Variants in EPB41L2 observed in about 807,000 individuals in gnomAD.
The protein encoded by EPB41L2 is band 4.1-like protein 2.
Under a neutral mutation model 113.0 loss-of-function variants are expected in EPB41L2, and 43 were observed. That is an observed-to-expected ratio of 0.38 (90% CI 0.30 to 0.49). The LOEUF (loss-of-function observed/expected upper bound fraction) is 0.49, where lower values mean the gene tolerates loss of function less well. Among genes scored for constraint, EPB41L2 ranks in the 20% least tolerant of loss-of-function variants. The pLI is 0.95. For missense variants in EPB41L2, 1,147 were observed against 1,223.4 expected, an observed-to-expected ratio of 0.94 and a Z score of 0.93; for synonymous variants, 442 against 436.7, an observed-to-expected ratio of 1.01 and a Z score of -0.15.
rs187274564 is a variant in EPB41L2, at chr6:131,058,322, T to C, written c.-15+4833A>G. 5.3e-5 allele frequency among the ~76,000 whole-genome samples: 8 copies of C among 152,302 alleles called. No homozygotes were observed. In the East Asian group the frequency reaches 1.5e-3, roughly 29 times the overall value. ...AAAATTCAGAAAGCCTCTGAAATTC[T>C]AATTAAAATTAATACTATCCCAACA... On this transcript the variant is annotated intron_variant, in intron 1 of 19. Transcript: ENST00000337057.
chr6:130,851,301 T>C (rs1778716829), intron 19 of EPB41L2, among the ~76,000 whole-genome samples: 1 of 152,230 alleles, frequency 6.6e-6, no homozygotes, highest in African/African-American at 2.4e-5. Flanking sequence ...CTAATGTTAA[T>C]TTCCTGTTTG....
At chr6:130,929,760 C>A (rs1025655441) in intron 3 of EPB41L2, among the ~76,000 whole-genome samples, 2 of 151,840 alleles carry the variant, frequency 1.3e-5, no homozygotes, top group African/African-American at 2.4e-5. Context: ...TAGCCTGATA[C>A]AAGAGCTCTG....
Position 130,870,000 on chromosome 6 carries a change from G to A in EPB41L2, c.2170C>T (p.Arg724Cys), listed in dbSNP as rs554992186. Reference protein sequence around the residue: ...ISPGSGPGEIRKVEPVTQKDS... With the variant: ...ISPGSGPGEICKVEPVTQKDS... Reference sequence around the variant, plus strand: ...TTTTGTGTCACAGGCTCCACCTTACGAATCTCCCCAGGACCACTCCCAGGT... The same window carrying A: ...TTTTGTGTCACAGGCTCCACCTTACAAATCTCCCCAGGACCACTCCCAGGT... Residue 724 changes from arginine (R) to cysteine (C), a missense_variant, in exon 15 of 20, where the codon CGT becomes TGT. Transcript: ENST00000337057. 3.0e-5 allele frequency: 48 copies of A among 1,613,576 alleles called. No homozygotes were observed. The highest frequency in any genetic ancestry group is 1.6e-4 in the East Asian group (7 of 44,866).
chr6:131,003,859 C>T (rs1051208613), intron 1 of EPB41L2, among the ~76,000 whole-genome samples: 6 of 152,160 alleles, frequency 3.9e-5, no homozygotes, highest in Non-Finnish European at 7.3e-5. Context: ...GAGGTGATGT[C>T]ATTACCAGCC....
intron 1 of EPB41L2, among the ~76,000 whole-genome samples, chr6:131,012,923 T>C (rs1787360952): frequency 6.6e-6 from 1 of 152,228 alleles, no homozygotes; most frequent in Admixed American, 6.5e-5. Flanking sequence ...GATTTGATTC[T>C]ACAAAATGAA....
At chr6:130,842,591 A>C (rs964260776) in intron 19 of EPB41L2, among the ~76,000 whole-genome samples, 1 of 152,140 alleles carries the variant, frequency 6.6e-6, no homozygotes, top group African/African-American at 2.4e-5. Context: ...CAGAGAGAAC[A>C]ATGTTTAGGA....
At chr6:131,027,989 T>C (rs951188468) in intron 1 of EPB41L2, among the ~76,000 whole-genome samples, 2 of 152,052 alleles carry the variant, frequency 1.3e-5, no homozygotes, top group African/African-American at 4.8e-5. Context: ...AAAAAGCAAA[T>C]ACCAGTAAAC....
chr6:130,875,732 C>T (rs1393124115), intron 14 of EPB41L2, among the ~76,000 whole-genome samples: 2 of 152,084 alleles, frequency 1.3e-5, no homozygotes, highest in Non-Finnish European at 2.9e-5. Context: ...GGTGTGGTGG[C>T]TCACGCCTGT....
rs943384610 is a variant in EPB41L2 at position 131,054,818 on chromosome 6, C to T, written c.-15+8337G>A. Among the ~76,000 whole-genome samples, 3 of 152,366 alleles carry T rather than the reference C, an allele frequency of 2.0e-5. No individual in the cohort carries two copies. The East Asian group carries it at 5.8e-4, about 29-fold the overall frequency. ...CTAGTGAGCAAAGGCAGCCCCTGAGCTTCCACAGCCCTTCATATTTATTGG... is the reference window on the plus strand; with the variant it reads ...CTAGTGAGCAAAGGCAGCCCCTGAGTTTCCACAGCCCTTCATATTTATTGG... On this transcript the variant is annotated intron_variant, in intron 1 of 19. Transcript: ENST00000337057.
At chr6:130,954,036 C>CTTTTTTTTTTTTTTTTTTTTTTTT (rs1816328530) in intron 3 of EPB41L2, among the ~76,000 whole-genome samples, 4 of 45,516 alleles carry the variant, frequency 8.8e-5, no homozygotes, top group African/African-American at 2.3e-4. Flanking sequence ...TAGTCCTTTT[C>CTTTTTTTTTTTTTTTTTTTTTTTT]TTTCTTTTTT....
At chr6:130,844,698 C>T (rs1021814242) in intron 19 of EPB41L2, among the ~76,000 whole-genome samples, 4 of 152,000 alleles carry the variant, frequency 2.6e-5, no homozygotes, top group African/African-American at 9.7e-5. Context: ...TTCTTTTATC[C>T]TCAATTTGCA....
intron 1 of EPB41L2, among the ~76,000 whole-genome samples, chr6:131,024,068 G>C (rs1562754960): frequency 1.3e-5 from 2 of 152,144 alleles, no homozygotes; most frequent in East Asian, 3.9e-4. Context: ...ATTTTACAGA[G>C]CTCTAGGTCT....
chr6:130,843,787 T>C (rs764988142), intron 19 of EPB41L2, among the ~76,000 whole-genome samples: 7 of 152,224 alleles, frequency 4.6e-5, no homozygotes, highest in Non-Finnish European at 1.0e-4. Flanking sequence ...TGTGGCTCAA[T>C]TTCATCTAAT....
rs1017714493 is a variant in EPB41L2 at position 131,012,588 on chromosome 6, T to C, written c.-15+50567A>G. ...ACAAAATATTGAGATGAGAAAAAGA[T>C]TATGCCATATTGGTCTACTGCCTGC... On this transcript the variant is annotated intron_variant, in intron 1 of 19. Coordinates refer to ENST00000337057, the MANE Select transcript of EPB41L2 (RefSeq NM_001431.4). 2.7e-5 allele frequency among the ~76,000 whole-genome samples: 4 copies of C among 150,898 alleles called. No homozygotes were observed. In the East Asian group the frequency reaches 7.7e-4, roughly 29 times the overall value.
chr6:130,858,530 G>A (rs1186615857), intron 18 of EPB41L2, among the ~76,000 whole-genome samples: 1 of 152,264 alleles, frequency 6.6e-6, no homozygotes, highest in Admixed American at 6.5e-5. Flanking sequence ...GAGATTTGGA[G>A]AAAACAGTTC....
intron 1 of EPB41L2, among the ~76,000 whole-genome samples, chr6:131,011,406 T>C (rs1786941243): frequency 6.6e-6 from 1 of 152,230 alleles, no homozygotes; most frequent in South Asian, 2.1e-4. Context: ...TCTGAGGTAA[T>C]AAATCAGTCC....
intron 3 of EPB41L2, among the ~76,000 whole-genome samples, chr6:130,929,853 A>T (rs1000126994): frequency 8.7e-5 from 11 of 126,212 alleles, no homozygotes; most frequent in Admixed American, 6.9e-4. Context: ...TACAAGACAG[A>T]CAGTCACACA....
chr6:131,059,184 C>T (rs1034446784), intron 1 of EPB41L2, among the ~76,000 whole-genome samples: 4 of 143,958 alleles, frequency 2.8e-5, no homozygotes, highest in African/African-American at 1.0e-4. Context: ...GCGCAATCTC[C>T]GCTCACAGCA....
chr6:130,861,449 A>G (rs1324589649), intron 18 of EPB41L2, among the ~76,000 whole-genome samples: 1 of 152,222 alleles, frequency 6.6e-6, no homozygotes, highest in Non-Finnish European at 1.5e-5. Context: ...TCAACATCGG[A>G]TTTTGACAGC....
Sources: gnomAD v4.1 joint callset for allele counts (sites outside exome capture counted in the v4.1 genomes callset) on GRCh38, gnomAD v4.1.1 for gene constraint, MANE v1.5 for transcripts, NCBI Gene and HGNC (gene_info 2026-07-23, HGNC 2026-07-21) for gene names.